The following CCDC50 variants were observed in gnomAD, a reference collection of about 807,000 sequenced individuals.
CCDC50 encodes coiled-coil domain-containing protein 50.
A neutral mutation model predicts 70.2 loss-of-function variants in CCDC50; 54 were observed. The observed-to-expected ratio is 0.77, with a 90% confidence interval of 0.62 to 0.96. CCDC50 has a LOEUF of 0.96. Ranked by LOEUF, CCDC50 falls within the 50% of genes least tolerant of loss-of-function variation. CCDC50 has a pLI of 0.00. For synonymous variants in CCDC50, 216 were observed against 198.8 expected, an observed-to-expected ratio of 1.09 and a Z score of -0.73; for missense variants, 558 against 578.7, an observed-to-expected ratio of 0.96 and a Z score of 0.37.
intron 1 of CCDC50, among the ~76,000 whole-genome samples, chr3:191,334,351 G>A (rs2108628626): frequency 6.6e-6 from 1 of 152,166 alleles, no homozygotes; most frequent in South Asian, 2.1e-4. Flanking sequence ...AATGAAGAAG[G>A]GAATTTTCAA....
intron 1 of CCDC50, 152 bp from the exon 2 acceptor site, chr3:191,356,936 A>G (rs1353850288): frequency 7.3e-6 from 5 of 682,684 alleles, no homozygotes; most frequent in Non-Finnish European, 1.3e-5. Flanking sequence ...ATACTTAACT[A>G]GTCACTATTT....
At chr3:191,373,263 C>A (rs1712976481) in intron 5 of CCDC50, among the ~76,000 whole-genome samples, 1 of 152,044 alleles carries the variant, frequency 6.6e-6, no homozygotes, top group South Asian at 2.1e-4. Flanking sequence ...TTATCTTTTT[C>A]TTTCCAAGAT....
chr3:191,382,755 G>A lies in CCDC50; in HGVS notation c.1252G>A (p.Ala418Thr). The change falls in exon 10 of 12, where the codon GCT (alanine) becomes ACT (threonine). Residue 418 changes from alanine to threonine, a missense_variant. By Grantham distance (58) the Ala-to-Thr change is moderately conservative. Coordinates refer to ENST00000392455, the MANE Select transcript of CCDC50 (RefSeq NM_178335.3). The part of the protein sequence containing the change: ...KQDPEWKPKT[A>T]KAANSKSKES... The stretch of plus-strand genomic sequence containing the variant: ...GTATTTTTGTCCATAGCCAAAAACA[G>A]CTAAAGCAGCAAATTCCAAGTCAAA... 6.2e-7 allele frequency: 1 copy of A among 1,611,286 alleles called. No homozygotes were observed.
At chr3:191,336,501 A>T (rs993342484) in intron 1 of CCDC50, among the ~76,000 whole-genome samples, 1 of 152,048 alleles carries the variant, frequency 6.6e-6, no homozygotes, top group Admixed American at 6.6e-5. Context: ...ATTTTAGCTC[A>T]TTTTAAAATC....
intron 1 of CCDC50, among the ~76,000 whole-genome samples, chr3:191,344,689 C>T (rs1371294952): frequency 1.3e-5 from 2 of 152,184 alleles, no homozygotes; most frequent in African/African-American, 2.4e-5. Context: ...GGCGATTCTC[C>T]TGCCTCAGCC....
At chr3:191,388,171 AATG>A (rs1014530203) in intron 10 of CCDC50, among the ~76,000 whole-genome samples, 6 of 152,118 alleles carry the variant, frequency 3.9e-5, no homozygotes, top group South Asian at 2.1e-4. Context: ...AGATGCATGA[AATG>A]ATATTTGAAA....
At chr3:191,389,456 GT>G in intron 10 of CCDC50, 39 bp from the exon 11 acceptor site, 1 of 1,516,384 alleles carries the variant, frequency 6.6e-7, no homozygotes, top group South Asian at 1.1e-5. Context: ...TGTAGTAAGC[GT>G]TACTTAGAAT....
intron 2 of CCDC50, 84 bp from the exon 3 acceptor site, chr3:191,357,914 G>T: frequency 6.4e-7 from 1 of 1,554,544 alleles, no homozygotes; most frequent in South Asian, 1.1e-5. Flanking sequence ...CTGTTGTTAT[G>T]GTAAAGCTCT....
chr3:191,346,132 G>C (rs1450076895), intron 1 of CCDC50, among the ~76,000 whole-genome samples: 1 of 152,078 alleles, frequency 6.6e-6, no homozygotes, highest in African/African-American at 2.4e-5. Context: ...CTTTACTTTT[G>C]TTAATTTTCA....
rs908505254 is a variant in CCDC50, at chr3:191,350,834, A to G, written c.50-6254A>G. ...GTGCAGAGCTTTTAAACTTTTGAGC[A>G]GAGTTAGTTTAGCAAAATGTCCCCC... On this transcript the variant is annotated intron_variant, in intron 1 of 11. Coordinates refer to ENST00000392455, the MANE Select transcript of CCDC50 (RefSeq NM_178335.3). Among the ~76,000 whole-genome samples, 3 of 142,124 alleles carry G rather than the reference A, an allele frequency of 2.1e-5. 1 individual carries two copies. The highest frequency in any genetic ancestry group is 3.2e-5 in the Non-Finnish European group (2 of 63,078). 93.2% of individuals were successfully genotyped at this position (142,124 alleles called of 152,430 possible).
Position 191,329,623 on chromosome 3 carries a change from G to C in CCDC50, c.-52G>C. The C allele has an allele frequency of 6.3e-7, 1 of 1,577,654 alleles. No homozygotes were observed. The highest frequency in any genetic ancestry group is 8.6e-7 in the Non-Finnish European group (1 of 1,162,390). On this transcript the variant is annotated 5_prime_UTR_variant, in exon 1 of 12. Transcript: ENST00000392455. ...TGCGCTCGGGGCCCCGCTCGGCGCCGGCGGTGACCGGGAAGCCCGCGTTAA... is the reference window on the plus strand; with the variant it reads ...TGCGCTCGGGGCCCCGCTCGGCGCCCGCGGTGACCGGGAAGCCCGCGTTAA...
intron 1 of CCDC50, among the ~76,000 whole-genome samples, chr3:191,337,429 C>G (rs909131466): frequency 2.0e-5 from 3 of 151,838 alleles, no homozygotes; most frequent in African/African-American, 7.3e-5. Context: ...GTGTCTAGCT[C>G]TGACGCCCAG....
At chr3:191,390,095 C>T (rs1713635363) in intron 11 of CCDC50, among the ~76,000 whole-genome samples, 1 of 152,034 alleles carries the variant, frequency 6.6e-6, no homozygotes. Flanking sequence ...AGTAATCCCT[C>T]TGCCTCTGCC....
chr3:191,372,750 G>T (rs1255419940), intron 5 of CCDC50, among the ~76,000 whole-genome samples: 5 of 151,914 alleles, frequency 3.3e-5, no homozygotes, highest in Non-Finnish European at 5.9e-5. Flanking sequence ...ATTTATTAAT[G>T]AATCCATGTT....
At chr3:191,378,312 A>G (rs749907077) in intron 6 of CCDC50, among the ~76,000 whole-genome samples, 33 of 152,168 alleles carry the variant, frequency 2.2e-4, no homozygotes, top group Non-Finnish European at 4.1e-4. Flanking sequence ...AGACTATTCA[A>G]TGGAATATTG....
At chr3:191,353,560 G>A (rs890745021) in intron 1 of CCDC50, among the ~76,000 whole-genome samples, 4 of 141,426 alleles carry the variant, frequency 2.8e-5, no homozygotes, top group African/African-American at 1.0e-4. Flanking sequence ...TGCTCTGAGC[G>A]TGGCCTGGCT....
intron 11 of CCDC50, 138 bp downstream of exon 11, chr3:191,389,740 T>A: frequency 1.5e-6 from 1 of 687,660 alleles, no homozygotes; most frequent in South Asian, 1.7e-5. Flanking sequence ...ATAGAACTCC[T>A]CATTTATTAA....
In CCDC50 at chr3:191,329,501, G is replaced by A; in HGVS notation, c.-174G>A. The A allele has an allele frequency of 1.8e-6, 1 of 556,788 alleles. No homozygotes were observed. 34.5% of individuals were successfully genotyped at this position (556,788 alleles called of 1,614,324 possible). On this transcript the variant is annotated 5_prime_UTR_variant, in exon 1 of 12. Coordinates refer to ENST00000392455, the MANE Select transcript of CCDC50 (RefSeq NM_178335.3). ...CTTGGTGCCTCGGGGACCGTCTCCCGCTGCTTTGGTCACCAGCCCCTGCCC... is the reference window on the plus strand; with the variant it reads ...CTTGGTGCCTCGGGGACCGTCTCCCACTGCTTTGGTCACCAGCCCCTGCCC...
intron 1 of CCDC50, among the ~76,000 whole-genome samples, chr3:191,354,039 C>T (rs1190971582): frequency 1.3e-5 from 2 of 152,094 alleles, no homozygotes; most frequent in African/African-American, 4.8e-5. Flanking sequence ...TTTCTCACAC[C>T]TGTTATAATG....
Sources: allele counts gnomAD v4.1 joint callset (sites outside exome capture counted in the v4.1 genomes callset), GRCh38; gene constraint gnomAD v4.1.1; transcripts MANE v1.5; gene names NCBI Gene and HGNC (gene_info 2026-07-23, HGNC 2026-07-21).